The following CMTM7 variants were observed in gnomAD, a reference collection of about 807,000 sequenced individuals.
CMTM7 encodes the protein CKLF like MARVEL transmembrane domain containing 7.
A neutral mutation model predicts 19.3 loss-of-function variants in CMTM7; 7 were observed. The observed-to-expected ratio is 0.36, with a 90% CI of 0.21 to 0.68. CMTM7 has a LOEUF of 0.68. Among genes scored for constraint, CMTM7 ranks in the 30% least tolerant of loss-of-function variants. The probability of loss-of-function intolerance (pLI) is 0.60; values close to 1 mark genes in which losing one functional copy is unlikely to be tolerated. For synonymous variants in CMTM7, 87 were observed against 99.3 expected (o/e 0.88, Z 0.74); for missense variants, 193 against 232.6 (o/e 0.83, Z 1.11).
At position 32,452,454 on chromosome 3, in the gene CMTM7, G is replaced by C. The variant is rs373670486; in HGVS notation, c.495G>C (p.Ser165=). ...MASIWLSYKI[S]CVTQSTDAAV is the part of the protein sequence containing the mutation. ...GCATATGGCTGTCCTATAAGATCTC[G>C]TGTGTAACCCAGTCCACAGGTGAGT... The change falls in exon 4 of 5, where the codon TCG becomes TCC. Residue 165 remains serine (S), a synonymous_variant. Coordinates refer to ENST00000334983, the MANE Select transcript of CMTM7 (RefSeq NM_138410.4). The C allele has an allele frequency of 1.6e-4, 253 of 1,614,090 alleles. No individual in the cohort carries two copies. The South Asian group carries it at 2.0e-3, about 13-fold the overall frequency.
At chr3:32,452,265 T>A in intron 3 of CMTM7, 127 bp from the exon 4 acceptor site, 1 of 1,576,342 alleles carries the variant, frequency 6.3e-7, no homozygotes, top group South Asian at 1.2e-5. Context: ...TTGGGTTAGA[T>A]GACTCTCCAA....
chr3:32,436,373 A>G (rs1255884664), intron 1 of CMTM7, among the ~76,000 whole-genome samples: 1 of 152,174 alleles, frequency 6.6e-6, no homozygotes, highest in African/African-American at 2.4e-5. Context: ...CCTTACACTC[A>G]GTGCAAAATT....
chr3:32,452,752 C>CT (rs1696855334), intron 4 of CMTM7, among the ~76,000 whole-genome samples: 6 of 149,444 alleles, frequency 4.0e-5, no homozygotes, highest in Non-Finnish European at 7.4e-5. Flanking sequence ...TTTTTCTTTA[C>CT]TTTTCTTTTT....
intron 1 of CMTM7, among the ~76,000 whole-genome samples, chr3:32,422,385 T>C (rs17029450): frequency 0.076 from 11,587 of 152,290 alleles, 496 homozygotes; most frequent in East Asian, 0.15. Flanking sequence ...CTGCTGGGAC[T>C]GGCCCCACAG....
chr3:32,430,728 T>C (rs1408787201), intron 1 of CMTM7, among the ~76,000 whole-genome samples: 1 of 142,428 alleles, frequency 7.0e-6, no homozygotes, highest in Non-Finnish European at 1.6e-5. Context: ...ACAGCTCTCC[T>C]GATGACCCTT....
intron 1 of CMTM7, among the ~76,000 whole-genome samples, chr3:32,410,029 A>G (rs902646547): frequency 2.0e-5 from 3 of 152,188 alleles, no homozygotes; most frequent in African/African-American, 4.8e-5. Flanking sequence ...TGCGTATTTT[A>G]TAGTGAGGAA....
At chr3:32,451,100 C>A (rs947989102) in intron 3 of CMTM7, 3 of 152,134 alleles carry the variant, frequency 2.0e-5, no homozygotes, top group African/African-American at 7.2e-5. Context: ...GCAGAACAGA[C>A]AATGAGAGGC....
intron 1 of CMTM7, among the ~76,000 whole-genome samples, chr3:32,393,179 A>G (rs920312345): frequency 1.3e-5 from 2 of 152,138 alleles, no homozygotes; most frequent in African/African-American, 4.8e-5. Flanking sequence ...CCAGACACTG[A>G]GTGTGCATGA....
At position 32,452,340 on chromosome 3, in the gene CMTM7, G is replaced by A. The variant is rs145935171; in HGVS notation, c.433-52G>A. The A allele has an allele frequency of 3.1e-4, 503 of 1,613,798 alleles. 3 individuals carry two copies. In the Admixed American group the frequency reaches 4.1e-3, roughly 13 times the overall value. ...AGATGAGAAGCAGACAGGATTGCCC[G>A]AGTAATTAGCCCTATGGCCTGTGAA... On this transcript the variant is annotated intron_variant, in intron 3 of 4. Transcript: ENST00000334983.
intron 1 of CMTM7, among the ~76,000 whole-genome samples, chr3:32,397,096 C>G (rs534580534): frequency 1.3e-5 from 2 of 152,248 alleles, no homozygotes; most frequent in East Asian, 3.9e-4. Context: ...GAAAAAACTT[C>G]AGGGCAAGTT....
intron 1 of CMTM7, among the ~76,000 whole-genome samples, chr3:32,405,183 T>A (rs1354030303): frequency 6.6e-6 from 1 of 152,218 alleles, no homozygotes; most frequent in East Asian, 1.9e-4. Flanking sequence ...CTTGTGAGAC[T>A]CTGAACAGTG....
intron 1 of CMTM7, among the ~76,000 whole-genome samples, chr3:32,423,108 G>C (rs909808019): frequency 7.2e-5 from 11 of 152,204 alleles, no homozygotes; most frequent in Non-Finnish European, 1.2e-4. Context: ...TGCTTCTGTG[G>C]CTGGGGGTTG....
intron 1 of CMTM7, among the ~76,000 whole-genome samples, chr3:32,402,225 C>T (rs1696020648): frequency 6.6e-6 from 1 of 152,116 alleles, no homozygotes; most frequent in Admixed American, 6.5e-5. Context: ...GATTCTCCTA[C>T]CTCAGCCTCC....
At chr3:32,396,073 T>C (rs921245745) in intron 1 of CMTM7, among the ~76,000 whole-genome samples, 8 of 152,290 alleles carry the variant, frequency 5.3e-5, no homozygotes, top group Non-Finnish European at 1.5e-5. Flanking sequence ...TTATATGAAA[T>C]GTCCAGAATA....
intron 1 of CMTM7, among the ~76,000 whole-genome samples, chr3:32,418,521 G>T (rs1256725798): frequency 6.6e-6 from 1 of 152,056 alleles, no homozygotes; most frequent in African/African-American, 2.4e-5. Context: ...TTTTCTTCCA[G>T]ACGTTTTACA....
chr3:32,398,811 C>T (rs1323439399), intron 1 of CMTM7, among the ~76,000 whole-genome samples: 1 of 151,932 alleles, frequency 6.6e-6, no homozygotes, highest in African/African-American at 2.4e-5. Context: ...TGGTGAAACC[C>T]GGTCTCTACA....
intron 1 of CMTM7, among the ~76,000 whole-genome samples, chr3:32,432,782 C>T (rs1696539313): frequency 6.6e-6 from 1 of 152,166 alleles, no homozygotes; most frequent in African/African-American, 2.4e-5. Context: ...TTTTGCTCTT[C>T]TTGTCATCCT....
intron 1 of CMTM7, among the ~76,000 whole-genome samples, chr3:32,397,899 C>T (rs1172278242): frequency 2.0e-5 from 3 of 152,092 alleles, no homozygotes; most frequent in Non-Finnish European, 4.4e-5. Flanking sequence ...AGGGGATGAA[C>T]AAGTACCAAA....
In CMTM7 at chr3:32,449,823, C is replaced by T. The variant is rs1350734698; in HGVS notation, c.432+271C>T. On this transcript the variant is annotated intron_variant, in intron 3 of 4. Coordinates refer to ENST00000334983, the MANE Select transcript of CMTM7 (RefSeq NM_138410.4). The surrounding 1 kb of genome is among the most constrained non-coding windows in gnomAD (Gnocchi z 4.5). ...GCACTACTGAAATCAGGGGGCCAGG[C>T]GGGTTTTAATTCACACACCCACTCT... Among the ~76,000 whole-genome samples, 2 of 152,084 alleles carry T rather than the reference C, an allele frequency of 1.3e-5. No homozygotes were observed. Among genetic ancestry groups the T allele is most frequent in the African/African-American group, 4.8e-5 (2 of 41,406 alleles).
Sources: gnomAD v4.1 joint callset for allele counts (sites outside exome capture counted in the v4.1 genomes callset) on GRCh38, gnomAD v4.1.1 for gene constraint, Gnocchi (gnomAD v3.1) non-coding constraint, MANE v1.5 for transcripts, NCBI Gene and HGNC (gene_info 2026-07-23, HGNC 2026-07-21) for gene names.